TDRD5: variants seen among roughly 807,000 people sequenced by gnomAD.
The protein encoded by TDRD5 is tudor domain-containing protein 5.
TDRD5 carries 41 observed loss-of-function variants against 120.6 expected under a neutral mutation model. The observed-to-expected ratio is 0.34, with a 90% CI of 0.26 to 0.44. The LOEUF (loss-of-function observed/expected upper bound fraction) is 0.44, where lower values mean the gene tolerates loss of function less well. TDRD5 is among the 20% of genes least tolerant of loss of function. The pLI, the probability that TDRD5 is intolerant of heterozygous loss-of-function variation, is 1.00. For synonymous variants in TDRD5, 430 were observed against 433.7 expected (o/e 0.99, Z 0.11); for missense variants, 1,006 against 1,221.2 (o/e 0.82, Z 2.63).
chr1:179,593,224 C>G (rs536815110), intron 2 of TDRD5, among the ~76,000 whole-genome samples: 3 of 152,162 alleles, frequency 2.0e-5, no homozygotes, highest in African/African-American at 4.8e-5. Flanking sequence ...AAAAATCTGT[C>G]AGGGGTCAAT....
At chr1:179,658,253 A>T (rs1487818524) in intron 14 of TDRD5, among the ~76,000 whole-genome samples, 2 of 152,118 alleles carry the variant, frequency 1.3e-5, no homozygotes, top group Non-Finnish European at 2.9e-5. Context: ...GTACAGGTTG[A>T]TACTGTCCTA....
intron 17 of TDRD5, among the ~76,000 whole-genome samples, chr1:179,690,010 G>A (rs1246051216): frequency 6.6e-6 from 1 of 152,142 alleles, no homozygotes; most frequent in East Asian, 1.9e-4. Context: ...CCCCGGTGAG[G>A]CGATGCCTCA....
rs184875453 is a variant in TDRD5 at position 179,678,628 on chromosome 1, G to A, written c.2860+9224G>A. Among the ~76,000 whole-genome samples the A allele has an allele frequency of 9.7e-4, 147 of 152,240 alleles. 1 individual carries two copies. Among genetic ancestry groups the A allele is most frequent in the African/African-American group, 3.2e-3 (133 of 41,548 alleles). On this transcript the variant is annotated intron_variant, in intron 17 of 17. Coordinates refer to ENST00000444136, the MANE Select transcript of TDRD5 (RefSeq NM_001199085.3). ...TTTTGTAGTTTTCAGGTGCATAGGT[G>A]TTTTTCATCTTTTGTTAAATTTATC...
At chr1:179,601,000 TTGAGACTCATA>T (rs1235711119) in intron 4 of TDRD5, among the ~76,000 whole-genome samples, 1 of 152,228 alleles carries the variant, frequency 6.6e-6, no homozygotes, top group African/African-American at 2.4e-5. Flanking sequence ...TATATATTTA[TTGAGACTCATA>T]TGGCTCAGAA....
At chr1:179,666,896 C>T (rs897991084) in intron 16 of TDRD5, among the ~76,000 whole-genome samples, 19 of 152,204 alleles carry the variant, frequency 1.2e-4, no homozygotes, top group Non-Finnish European at 2.9e-5. Context: ...TTTCATAAAT[C>T]ATGAACATGT....
At chr1:179,624,109 A>G (rs1572359897) in intron 6 of TDRD5, among the ~76,000 whole-genome samples, 1 of 152,328 alleles carries the variant, frequency 6.6e-6, no homozygotes, top group Non-Finnish European at 1.5e-5. Flanking sequence ...CTAAGAATGC[A>G]AGGTTGGAGT....
At position 179,663,368 on chromosome 1, in the gene TDRD5, T is replaced by A. The variant is rs73037621; in HGVS notation, c.2526T>A (p.Pro842=). The A allele has an allele frequency of 5.4e-3, 8,789 of 1,612,838 alleles. 417 individuals are homozygous for A. The African/African-American group carries it at 0.1, about 19-fold the overall frequency. The change falls in exon 16 of 18, where the codon CCT becomes CCA. Residue 842 remains proline, a synonymous_variant. Coordinates refer to ENST00000444136, the MANE Select transcript of TDRD5 (RefSeq NM_001199085.3). ...TATAGGACTGGTGTTTTTCTACCCCTAAAGATACATGGGATGATTCTTGGC... is the reference window on the plus strand; with the variant it reads ...TATAGGACTGGTGTTTTTCTACCCCAAAAGATACATGGGATGATTCTTGGC... ...MPQKDWCFST[P]KDTWDDSWQP...
intron 4 of TDRD5, among the ~76,000 whole-genome samples, chr1:179,608,051 G>A (rs1302181687): frequency 6.6e-6 from 1 of 151,828 alleles, no homozygotes; most frequent in Admixed American, 6.6e-5. Context: ...TATTTTTCCA[G>A]GTATAGAATT....
chr1:179,629,901 TTTC>T (rs1444767855), intron 6 of TDRD5, among the ~76,000 whole-genome samples: 6 of 152,216 alleles, frequency 3.9e-5, no homozygotes, highest in Non-Finnish European at 7.3e-5. Flanking sequence ...TGGTATGACT[TTTC>T]TTCTTTTCTA....
intron 6 of TDRD5, among the ~76,000 whole-genome samples, chr1:179,624,343 C>A (rs1677002575): frequency 6.6e-6 from 1 of 152,170 alleles, no homozygotes; most frequent in African/African-American, 2.4e-5. Flanking sequence ...TGGTGAAACA[C>A]TGAACAATTC....
chr1:179,633,194 A>G (rs184387436), intron 7 of TDRD5, among the ~76,000 whole-genome samples: 2 of 152,264 alleles, frequency 1.3e-5, no homozygotes, highest in Non-Finnish European at 2.9e-5. Flanking sequence ...GTTATATATA[A>G]TAATAATGTA....
chr1:179,629,431 GA>G (rs1204533767), intron 6 of TDRD5, among the ~76,000 whole-genome samples: 1 of 149,682 alleles, frequency 6.7e-6, no homozygotes, highest in Non-Finnish European at 1.5e-5. Context: ...ATTAAGAAGG[GA>G]AAAATACACT....
intron 3 of TDRD5, among the ~76,000 whole-genome samples, chr1:179,594,778 T>G (rs1675298090): frequency 6.6e-6 from 1 of 152,242 alleles, no homozygotes; most frequent in Non-Finnish European, 1.5e-5. Context: ...TTTGAGGATA[T>G]GAGGATATAC....
At chr1:179,671,238 T>C (rs1679840077) in intron 17 of TDRD5, among the ~76,000 whole-genome samples, 1 of 152,206 alleles carries the variant, frequency 6.6e-6, no homozygotes, top group Non-Finnish European at 1.5e-5. Context: ...TTAATTACCA[T>C]GGCTTTATAA....
rs1558435872 is a variant in TDRD5, at chr1:179,690,680, A to C, written c.2861-16A>C. Reference sequence around the variant, plus strand: ...GTACCCCTTGAAAAGATGTTTGTGTACTCTTTCTTTTCCAGTGGAAAGCTC... The same window carrying C: ...GTACCCCTTGAAAAGATGTTTGTGTCCTCTTTCTTTTCCAGTGGAAAGCTC... On this transcript the variant is annotated splice_polypyrimidine_tract_variant and intron_variant, in intron 17 of 17. Transcript: ENST00000444136. 1 of 1,609,908 alleles carries C rather than the reference A, an allele frequency of 6.2e-7. No homozygotes were observed. The highest frequency in any genetic ancestry group is 8.5e-7 in the Non-Finnish European group (1 of 1,177,674).
Position 179,684,047 on chromosome 1 carries a change from A to T in TDRD5, c.2861-6649A>T, listed in dbSNP as rs545634323. ...ATTAAAACTAATTACTTCAGCTTTT[A>T]TTTCATTTTTTTTATTATACTTTAA... On this transcript the variant is annotated intron_variant, in intron 17 of 17. Transcript: ENST00000444136. 2.6e-5 allele frequency among the ~76,000 whole-genome samples: 4 copies of T among 151,828 alleles called. No individual in the cohort carries two copies. In the South Asian group the frequency reaches 8.3e-4, roughly 32 times the overall value.
chr1:179,666,793 C>T (rs1679577156), intron 16 of TDRD5, among the ~76,000 whole-genome samples: 2 of 152,210 alleles, frequency 1.3e-5, no homozygotes, highest in South Asian at 4.1e-4. Context: ...TTGTCCATGT[C>T]AACATTTGCT....
At chr1:179,594,568 G>A (rs549978529) in intron 3 of TDRD5, among the ~76,000 whole-genome samples, 12 of 152,368 alleles carry the variant, frequency 7.9e-5, no homozygotes, top group South Asian at 6.2e-4. Context: ...CAAGAGACCA[G>A]TGTGACCATC....
intron 6 of TDRD5, among the ~76,000 whole-genome samples, chr1:179,628,371 C>G (rs1677255521): frequency 7.2e-6 from 1 of 138,530 alleles, no homozygotes; most frequent in Non-Finnish European, 1.5e-5. Context: ...CTTGCTGTTC[C>G]CCAAGCTGGA....
Sources: gnomAD v4.1 joint callset for allele counts (sites outside exome capture counted in the v4.1 genomes callset) on GRCh38, gnomAD v4.1.1 for gene constraint, MANE v1.5 for transcripts, NCBI Gene and HGNC (gene_info 2026-07-23, HGNC 2026-07-21) for gene names.